Variants in MED23 observed in about 807,000 individuals in gnomAD.
MED23 encodes mediator of RNA polymerase II transcription subunit 23.
A neutral mutation model predicts 163.9 loss-of-function variants in MED23; 105 were observed. That is an observed-to-expected ratio of 0.64 (90% CI 0.55 to 0.75). MED23 has a LOEUF of 0.75. Among genes scored for constraint, MED23 ranks in the 30% least tolerant of loss-of-function variants. The pLI is 0.00. For missense variants in MED23, 1,054 were observed against 1,649.0 expected (o/e 0.64, Z 6.25); for synonymous variants, 561 against 565.6 (o/e 0.99, Z 0.12).
At position 131,605,502 on chromosome 6, in the gene MED23, C is replaced by T; in HGVS notation, c.1368-17G>A. On this transcript the variant is annotated splice_polypyrimidine_tract_variant and intron_variant, in intron 13 of 28. Transcript: ENST00000368068. Reference sequence around the variant, plus strand: ...TGCAGGAACCTAAATATTCACGTTCCATTAAAAAGAAAAAATGAAAATAAC... The same window carrying T: ...TGCAGGAACCTAAATATTCACGTTCTATTAAAAAGAAAAAATGAAAATAAC... The T allele has an allele frequency of 6.5e-7, 1 of 1,541,542 alleles. No individual in the cohort carries two copies. The highest frequency in any genetic ancestry group is 8.7e-7 in the Non-Finnish European group (1 of 1,147,714).
intron 30 of MED23, among the ~76,000 whole-genome samples, chr6:131,578,333 C>T (rs1012687416): frequency 2.0e-5 from 3 of 152,118 alleles, no homozygotes; most frequent in Non-Finnish European, 4.4e-5. Flanking sequence ...CAGATTCACA[C>T]AGACATGTAA....
intron 10 of MED23, among the ~76,000 whole-genome samples, chr6:131,615,095 A>G (rs13190881): frequency 6.6e-6 from 1 of 150,642 alleles, no homozygotes; most frequent in East Asian, 1.9e-4. Flanking sequence ...AGAAAAAAAA[A>G]GAAAAAAGAA....
intron 30 of MED23, chr6:131,581,330 C>T: frequency 6.2e-7 from 1 of 1,613,852 alleles, no homozygotes; most frequent in Non-Finnish European, 8.5e-7. Flanking sequence ...CAAGTGGAAA[C>T]TTGCATGGAC....
At chr6:131,623,857 C>A (rs1777292220) in intron 4 of MED23, among the ~76,000 whole-genome samples, 1 of 152,172 alleles carries the variant, frequency 6.6e-6, no homozygotes, top group African/African-American at 2.4e-5. Flanking sequence ...TCTTTGTTAG[C>A]AGCATCAGAC....
At chr6:131,625,411 A>G (rs970043268) in intron 3 of MED23, among the ~76,000 whole-genome samples, 7 of 152,274 alleles carry the variant, frequency 4.6e-5, no homozygotes, top group Admixed American at 4.6e-4. Context: ...TGTGAATCCA[A>G]TCCCTAAGAT....
intron 30 of MED23, chr6:131,579,012 T>A: frequency 7.3e-7 from 1 of 1,378,652 alleles, no homozygotes; most frequent in Admixed American, 2.0e-5. Context: ...TTGCTTATAC[T>A]TGTGAATATA....
downstream of MED23, among the ~76,000 whole-genome samples, chr6:131,582,001 TTTG>T (rs1296535133): frequency 1.3e-5 from 2 of 152,158 alleles, no homozygotes; most frequent in Admixed American, 6.5e-5. Flanking sequence ...TATGCCATAG[TTTG>T]TTGATATGCC....
chr6:131,594,757 C>A (rs1034116379), intron 22 of MED23, among the ~76,000 whole-genome samples: 8 of 151,974 alleles, frequency 5.3e-5, no homozygotes, highest in Admixed American at 5.2e-4. Flanking sequence ...ATGACCAACC[C>A]TAATACATGA....
intron 12 of MED23, among the ~76,000 whole-genome samples, chr6:131,607,446 G>C (rs1775940005): frequency 6.6e-6 from 1 of 152,080 alleles, no homozygotes. Context: ...TCGGGAGGCT[G>C]AGGCAGGAGA....
At chr6:131,623,246 T>C in intron 5 of MED23, 105 bp downstream of exon 5, 1 of 944,190 alleles carries the variant, frequency 1.1e-6, no homozygotes, top group Non-Finnish European at 1.7e-6. Flanking sequence ...TAGACAGATT[T>C]TGTAAATGCT....
At chr6:131,612,917 C>T (rs1274595841) in intron 10 of MED23, among the ~76,000 whole-genome samples, 3 of 151,986 alleles carry the variant, frequency 2.0e-5, no homozygotes, top group Non-Finnish European at 4.4e-5. Context: ...TCTCATAATG[C>T]TTTTGCAGTG....
intron 3 of MED23, among the ~76,000 whole-genome samples, chr6:131,626,093 G>C (rs1242338455): frequency 7.1e-6 from 1 of 140,342 alleles, no homozygotes; most frequent in African/African-American, 2.8e-5. Context: ...CTGCACTCTA[G>C]CCTGGGCGAC....
In MED23 at chr6:131,604,259, A is replaced by C. The variant is rs1185543385; in HGVS notation, c.1675T>G (p.Leu559Val). The C allele has an allele frequency of 2.5e-6, 4 of 1,613,966 alleles. No homozygotes were observed. Among genetic ancestry groups the C allele is most frequent in the Non-Finnish European group, 3.4e-6 (4 of 1,179,846 alleles). Residue 559 changes from leucine to valine, a missense_variant, in exon 15 of 29, where the codon TTG becomes GTG. Transcript: ENST00000368068. ...TAAGTTTCCACTAGGGCTGGAGCCA[A>C]GGCCACACTGGACTTTGCATGAGCA... ...KLAHAKSSVA[L>V]APALVETYSR... is the part of the protein sequence containing the mutation.
rs1775043889 is a variant in MED23 at position 131,596,312 on chromosome 6, T to C, written c.2779-149A>G. 3.1e-5 allele frequency: 27 copies of C among 860,782 alleles called. No individual in the cohort carries two copies. In the South Asian group the frequency reaches 4.1e-4, roughly 13 times the overall value. The allele number at this position is 860,782 out of a possible 1,614,324, so 53.3% of individuals were successfully genotyped here. A position where few individuals can be genotyped will look rare whatever the true frequency, so the allele number is the denominator to read the frequency against. On this transcript the variant is annotated intron_variant, in intron 21 of 28. Coordinates refer to ENST00000368068, the MANE Select transcript of MED23 (RefSeq NM_004830.4). ...TATACTTTACTTCTTTTTATAGAAG[T>C]CCTTATGTCCACTAAAACTGCAGTT... is the stretch of plus-strand genomic sequence containing the variant.
chr6:131,607,257 A>C (rs1386475288), intron 12 of MED23, among the ~76,000 whole-genome samples: 1 of 151,680 alleles, frequency 6.6e-6, no homozygotes, highest in Non-Finnish European at 1.5e-5. Context: ...GGGTTACAGT[A>C]ACCCCATCAT....
intron 10 of MED23, among the ~76,000 whole-genome samples, chr6:131,611,274 T>C (rs535335886): frequency 3.3e-5 from 5 of 152,264 alleles, no homozygotes; most frequent in South Asian, 2.1e-4. Flanking sequence ...CAAGACATAA[T>C]GAATAGCATC....
chr6:131,616,749 A>G (rs1776718838), intron 9 of MED23, among the ~76,000 whole-genome samples: 1 of 152,182 alleles, frequency 6.6e-6, no homozygotes, highest in South Asian at 2.1e-4. Context: ...TGAGCCCCAA[A>G]GGTTGAGGGT....
Position 131,624,867 on chromosome 6 carries a change from G to C in MED23, c.282C>G (p.Pro94=). The C allele has an allele frequency of 1.9e-6, 3 of 1,613,762 alleles. No homozygotes were observed. ...AMAVETGLLP[P]RLVCESLINS... is the part of the protein sequence containing the mutation. The stretch of plus-strand genomic sequence containing the variant: ...TTGCTCATACCCATTAAACGTACCT[G>C]GGTGGAAGGAGACCAGTCTCAACTG... The change falls in exon 4 of 29, where the codon CCC becomes CCG. Residue 94 remains proline (P), a splice_region_variant and synonymous_variant. Transcript: ENST00000368068.
At chr6:131,595,367 T>TA (rs1247630080) in intron 22 of MED23, among the ~76,000 whole-genome samples, 4 of 152,228 alleles carry the variant, frequency 2.6e-5, no homozygotes, top group Non-Finnish European at 5.9e-5. Flanking sequence ...GGCTTCATCC[T>TA]AAGACTGCTG....
Sources: allele counts gnomAD v4.1 joint callset (sites outside exome capture counted in the v4.1 genomes callset), GRCh38; gene constraint gnomAD v4.1.1; transcripts MANE v1.5; gene names NCBI Gene and HGNC (gene_info 2026-07-23, HGNC 2026-07-21).